SLC35F4: variants seen among roughly 807,000 people sequenced by gnomAD.
SLC35F4 encodes solute carrier family 35 member F4, also known as chromosome 14 open reading frame 36.
Under a neutral mutation model 44.2 loss-of-function variants are expected in SLC35F4, and 24 were observed. The observed-to-expected ratio is 0.54, with a 90% CI of 0.39 to 0.76. The LOEUF is 0.76. Ranked by LOEUF, SLC35F4 falls within the 30% of genes least tolerant of loss-of-function variation. The probability of loss-of-function intolerance (pLI) is 0.00; values close to 1 mark genes in which losing one functional copy is unlikely to be tolerated. For synonymous variants in SLC35F4, 238 were observed against 223.6 expected (o/e 1.06, Z -0.57); for missense variants, 562 against 586.1 (o/e 0.96, Z 0.42).
intron 1 of SLC35F4, among the ~76,000 whole-genome samples, chr14:57,794,522 A>G (rs965850419): frequency 6.6e-6 from 1 of 152,164 alleles, no homozygotes; most frequent in African/African-American, 2.4e-5. Context: ...CAGAATGACC[A>G]TTATTAACAA....
At position 57,723,887 on chromosome 14, in the gene SLC35F4, C is replaced by A. The variant is rs138841469; in HGVS notation, c.104-129763G>T. Among the ~76,000 whole-genome samples the A allele has an allele frequency of 2.2e-4, 33 of 152,290 alleles. 1 individual carries two copies. In the East Asian group the frequency reaches 6.2e-3, roughly 29 times the overall value. On this transcript the variant is annotated intron_variant, in intron 1 of 7. Coordinates refer to ENST00000556826, the MANE Select transcript of SLC35F4 (RefSeq NM_001306087.2). ...AAACACACTGACCTTATTGGTGAGA[C>A]ATTTGTGTGCCAGAGGATGGGAAAT...
At chr14:57,727,681 G>A (rs367904785) in intron 1 of SLC35F4, among the ~76,000 whole-genome samples, 2 of 151,906 alleles carry the variant, frequency 1.3e-5, no homozygotes, top group South Asian at 2.1e-4. Context: ...TAATTTCTAT[G>A]CGTTTTTATA....
At chr14:57,916,931 A>C (rs1889340585) in intron 1 of SLC35F4, among the ~76,000 whole-genome samples, 1 of 152,182 alleles carries the variant, frequency 6.6e-6, no homozygotes, top group African/African-American at 2.4e-5. Flanking sequence ...AAGCCCATCA[A>C]AGTCATTCTT....
At position 57,572,006 on chromosome 14, in the gene SLC35F4, A is replaced by G. The variant is rs531322420; in HGVS notation, c.821T>C (p.Ile274Thr). Residue 274 changes from isoleucine (I) to threonine (T), a missense_variant, in exon 5 of 8, where the codon ATA becomes ACA. Physicochemically the swap from Ile to Thr is moderately conservative, Grantham distance 89. Transcript: ENST00000556826. ...CATGACAATGCCGGTAATTGCCATT[A>G]TTGCAGCAACTATCTGTCAAATAGG... ...RFMGVRIVAA[I>T]MAITGIVMMA... 1.2e-6 allele frequency: 2 copies of G among 1,610,310 alleles called. No homozygotes were observed. The highest frequency in any genetic ancestry group is 2.7e-5 in the African/African-American group (2 of 75,012).
chr14:57,933,445 C>G (rs1169518686), intron 1 of SLC35F4, among the ~76,000 whole-genome samples: 1 of 152,124 alleles, frequency 6.6e-6, no homozygotes, highest in Non-Finnish European at 1.5e-5. Flanking sequence ...ATGACTAAAG[C>G]AAAGAGACCA....
chr14:57,890,721 A>G (rs1011533927), intron 1 of SLC35F4, among the ~76,000 whole-genome samples: 7 of 152,242 alleles, frequency 4.6e-5, no homozygotes, highest in African/African-American at 1.7e-4. Context: ...GAGAAGATTT[A>G]GAATAAAAAT....
chr14:57,584,255 G>T (rs2069524174), intron 3 of SLC35F4, among the ~76,000 whole-genome samples: 1 of 152,016 alleles, frequency 6.6e-6, no homozygotes, highest in African/African-American at 2.4e-5. Context: ...TCTAAATACA[G>T]TCCTTACCAT....
At chr14:57,968,421 G>C (rs1880955756) in intron 1 of SLC35F4, among the ~76,000 whole-genome samples, 1 of 152,172 alleles carries the variant, frequency 6.6e-6, no homozygotes, top group Admixed American at 6.5e-5. Context: ...TACTCCACAG[G>C]ATGACTACTG....
chr14:57,864,015 A>T (rs777901311), intron 1 of SLC35F4, among the ~76,000 whole-genome samples: 11 of 152,182 alleles, frequency 7.2e-5, no homozygotes, highest in Non-Finnish European at 1.3e-4. Context: ...ATATAATATG[A>T]ACATGTTCTT....
chr14:57,670,166 C>T (rs971380439), intron 1 of SLC35F4, among the ~76,000 whole-genome samples: 15 of 152,198 alleles, frequency 9.9e-5, no homozygotes, highest in Admixed American at 9.8e-4. Flanking sequence ...TCTGTGGGAT[C>T]AGTGGTGATA....
At chr14:57,577,667 T>A (rs1184024777) in intron 4 of SLC35F4, among the ~76,000 whole-genome samples, 1 of 151,338 alleles carries the variant, frequency 6.6e-6, no homozygotes, top group East Asian at 1.9e-4. Flanking sequence ...AAGAACCTTT[T>A]TTTAAAAAAA....
intron 1 of SLC35F4, among the ~76,000 whole-genome samples, chr14:57,886,627 A>G (rs1263535362): frequency 1.3e-5 from 2 of 152,156 alleles, no homozygotes; most frequent in African/African-American, 2.4e-5. Flanking sequence ...CCCCTGAAGA[A>G]TTTGACTCTT....
At chr14:57,585,423 A>T (rs115335745) in intron 3 of SLC35F4, among the ~76,000 whole-genome samples, 2,019 of 152,280 alleles carry the variant, frequency 0.013, 44 homozygotes, top group African/African-American at 0.046. Context: ...TCCCTTTGAA[A>T]ACCGGTCCAA....
intron 4 of SLC35F4, 24 bp downstream of exon 4, chr14:57,581,190 G>T (rs369250428): frequency 1.3e-6 from 2 of 1,490,178 alleles, no homozygotes; most frequent in Non-Finnish European, 1.8e-6. Flanking sequence ...CAGGCATCGC[G>T]CATTGAATCA....
At chr14:57,826,766 A>G (rs920665096) in intron 1 of SLC35F4, among the ~76,000 whole-genome samples, 2 of 152,182 alleles carry the variant, frequency 1.3e-5, no homozygotes, top group Non-Finnish European at 2.9e-5. Context: ...AAAGCTGAAC[A>G]TCACTAATTA....
chr14:57,945,439 A>ATGTGTGTGTGTGTGTG (rs58976756), intron 1 of SLC35F4, among the ~76,000 whole-genome samples: 12 of 104,688 alleles, frequency 1.1e-4, no homozygotes, highest in Non-Finnish European at 1.8e-4. Context: ...AGCAATGATA[A>ATGTGTGTGTGTGTGTG]TGTGTGTGTG....
At position 57,910,475 on chromosome 14, in the gene SLC35F4, T is replaced by G. The variant is rs2141051036; in HGVS notation, n.282+71438A>C. 3.3e-5 allele frequency among the ~76,000 whole-genome samples: 5 copies of G among 152,208 alleles called. 1 individual carries two copies. The Middle Eastern group carries it at 0.017, about 518-fold the overall frequency. On this transcript the variant is annotated intron_variant and non_coding_transcript_variant, in intron 1 of 1. Transcript: ENST00000556568. Reference sequence around the variant, plus strand: ...ATAATCTATTTTGAAGTAATTTTTATGAATGGTGTAAGATCTGTGTCTGGA... The same window carrying G: ...ATAATCTATTTTGAAGTAATTTTTAGGAATGGTGTAAGATCTGTGTCTGGA...
chr14:57,931,371 T>A (rs1391062847), intron 1 of SLC35F4, among the ~76,000 whole-genome samples: 1 of 152,222 alleles, frequency 6.6e-6, no homozygotes, highest in African/African-American at 2.4e-5. Context: ...TTTCTATTTA[T>A]AGAGTTAAAA....
chr14:57,687,115 C>T (rs1268052965), intron 1 of SLC35F4, among the ~76,000 whole-genome samples: 6 of 152,156 alleles, frequency 3.9e-5, no homozygotes, highest in Non-Finnish European at 8.8e-5. Flanking sequence ...ATGGAACCAA[C>T]TTGCTGACAC....
Sources: gnomAD v4.1 joint callset for allele counts (sites outside exome capture counted in the v4.1 genomes callset) on GRCh38, gnomAD v4.1.1 for gene constraint, MANE v1.5 for transcripts, NCBI Gene and HGNC (gene_info 2026-07-23, HGNC 2026-07-21) for gene names.